Variants in WWTR1 observed in about 807,000 individuals in gnomAD.
WWTR1 encodes the protein WW domain-containing transcription regulator protein 1.
Under a neutral mutation model 40.1 loss-of-function variants are expected in WWTR1, and 13 were observed. That is an observed-to-expected ratio of 0.32 (90% confidence interval 0.21 to 0.52). The LOEUF is 0.52. Among genes scored for constraint, WWTR1 ranks in the 20% least tolerant of loss-of-function variants. The probability of loss-of-function intolerance (pLI) is 0.97; values close to 1 mark genes in which losing one functional copy is unlikely to be tolerated. For missense variants in WWTR1, 436 were observed against 523.1 expected (o/e 0.83, Z 1.63); for synonymous variants, 230 against 210.1 (o/e 1.09, Z -0.82).
At chr3:149,557,314 C>A (rs1371811998) in intron 3 of WWTR1, among the ~76,000 whole-genome samples, 1 of 152,166 alleles carries the variant, frequency 6.6e-6, no homozygotes, top group East Asian at 1.9e-4. Flanking sequence ...TCAGCTGATC[C>A]GCCCGCCTGG....
intron 2 of WWTR1, among the ~76,000 whole-genome samples, chr3:149,621,716 A>G (rs1740281938): frequency 6.6e-6 from 1 of 152,366 alleles, no homozygotes; most frequent in South Asian, 2.1e-4. Context: ...ATTACAGATC[A>G]GTTTTTAAAT....
exon 2 of WWTR1, chr3:149,669,853 A>G (rs942036064): frequency 6.6e-5 from 10 of 152,252 alleles, no homozygotes; most frequent in Admixed American, 2.6e-4. Context: ...AGATGCCAAG[A>G]TAAGAGTCAG....
At chr3:149,592,078 T>C (rs1207544543) in intron 2 of WWTR1, among the ~76,000 whole-genome samples, 1 of 152,194 alleles carries the variant, frequency 6.6e-6, no homozygotes, top group African/African-American at 2.4e-5. Flanking sequence ...TCAATGATGT[T>C]CTATAAAACA....
At chr3:149,719,194 A>C (rs1576651620) in intron 4 of WWTR1, among the ~76,000 whole-genome samples, 1 of 138,416 alleles carries the variant, frequency 7.2e-6, no homozygotes, top group East Asian at 2.2e-4. Context: ...TTTGAGACCG[A>C]GTCTCACTCT....
At chr3:149,638,959 C>A (rs1391043187) in intron 2 of WWTR1, among the ~76,000 whole-genome samples, 1 of 152,192 alleles carries the variant, frequency 6.6e-6, no homozygotes, top group Non-Finnish European at 1.5e-5. Context: ...GAGGCTAGCT[C>A]AAACGAGAGA....
intron 1 of WWTR1, among the ~76,000 whole-genome samples, chr3:149,696,978 A>G (rs150767705): frequency 6.6e-6 from 1 of 152,300 alleles, no homozygotes; most frequent in East Asian, 1.9e-4. Context: ...GCTAACTCCT[A>G]GCTCATTCCT....
chr3:149,598,071 G>C (rs1443145754), intron 2 of WWTR1, among the ~76,000 whole-genome samples: 2 of 152,170 alleles, frequency 1.3e-5, no homozygotes, highest in African/African-American at 4.8e-5. Context: ...AACAGTGAAG[G>C]TCCCTGAATA....
chr3:149,588,585 G>A (rs1359741680), intron 2 of WWTR1, among the ~76,000 whole-genome samples: 1 of 152,132 alleles, frequency 6.6e-6, no homozygotes, highest in Non-Finnish European at 1.5e-5. Context: ...AAAATATATT[G>A]TGGGAGTGAA....
chr3:149,594,950 C>CTTTTTTTTTTTTTTT (rs563658190), intron 2 of WWTR1, among the ~76,000 whole-genome samples: 2 of 61,772 alleles, frequency 3.2e-5, no homozygotes, highest in African/African-American at 5.5e-5. Context: ...CTCTTTTTTA[C>CTTTTTTTTTTTTTTT]TTTTTTTTTT....
intron 1 of WWTR1, among the ~76,000 whole-genome samples, chr3:149,699,198 G>C (rs1354124454): frequency 6.6e-6 from 1 of 151,940 alleles, no homozygotes; most frequent in Non-Finnish European, 1.5e-5. Context: ...CTTTGCTCCT[G>C]CATCTGATTG....
intron 4 of WWTR1, among the ~76,000 whole-genome samples, chr3:149,534,846 G>A (rs1233486037): frequency 1.3e-5 from 2 of 152,192 alleles, no homozygotes; most frequent in African/African-American, 4.8e-5. Flanking sequence ...AGCAGCTGGA[G>A]GACGGGTGAT....
intron 2 of WWTR1, among the ~76,000 whole-genome samples, chr3:149,583,406 G>A (rs1205807188): frequency 6.6e-6 from 1 of 152,098 alleles, no homozygotes; most frequent in African/African-American, 2.4e-5. Context: ...TGAAAGAGAT[G>A]CTGCCCAGGC....
chr3:149,694,920 C>CAGT (rs1187225800), intron 1 of WWTR1, among the ~76,000 whole-genome samples: 2 of 152,168 alleles, frequency 1.3e-5, no homozygotes, highest in Non-Finnish European at 1.5e-5. Flanking sequence ...AAGTGTTCAT[C>CAGT]AGTAGATGAA....
chr3:149,657,247 G>C lies in WWTR1; in HGVS notation c.60C>G (p.Val20=), dbSNP rs749392032. The change falls in exon 2 of 7, where the codon GTC becomes GTG. Residue 20 remains valine, a synonymous_variant. Transcript: ENST00000360632. The part of the protein sequence containing the change: ...LPPPGQQVIH[V]TQDLDTDLEA... ...CGAGGTCTGTGTCTAGGTCCTGCGT[G>C]ACGTGGATCACTTGCTGCCCAGGCG... 1 of 1,613,214 alleles carries C rather than the reference G, an allele frequency of 6.2e-7. No homozygotes were observed. Among genetic ancestry groups the C allele is most frequent in the African/African-American group, 1.3e-5 (1 of 74,932 alleles).
chr3:149,694,120 GCGGT>G (rs1559843291), intron 1 of WWTR1, among the ~76,000 whole-genome samples: 1 of 152,142 alleles, frequency 6.6e-6, no homozygotes. Flanking sequence ...TAGGCTGGGC[GCGGT>G]GGCTCACGCC....
chr3:149,625,215 G>T lies in WWTR1; in HGVS notation c.431+31661C>A, dbSNP rs368186364. On this transcript the variant is annotated intron_variant, in intron 2 of 6. Transcript: ENST00000360632. ...CAGCTCACTGCAAGCTCTGCCTCCC[G>T]GGTTCATGCCATTCTCCTGCCTCAG... Among the ~76,000 whole-genome samples the T allele has an allele frequency of 4.8e-5, 7 of 146,318 alleles. No homozygotes were observed. The East Asian group carries it at 1.5e-3, about 31-fold the overall frequency.
At chr3:149,645,181 G>A (rs935827681) in intron 2 of WWTR1, among the ~76,000 whole-genome samples, 15 of 151,932 alleles carry the variant, frequency 9.9e-5, no homozygotes, top group African/African-American at 2.7e-4. Flanking sequence ...CCAGGTTCGC[G>A]CCATTCTCCT....
intron 3 of WWTR1, among the ~76,000 whole-genome samples, chr3:149,566,194 A>G (rs956782932): frequency 6.6e-6 from 1 of 152,182 alleles, no homozygotes; most frequent in South Asian, 2.1e-4. Flanking sequence ...TTGATTTTCT[A>G]CAGTGTTTAG....
intron 1 of WWTR1, among the ~76,000 whole-genome samples, chr3:149,670,513 G>A (rs926209500): frequency 5.9e-5 from 9 of 151,908 alleles, no homozygotes; most frequent in Admixed American, 3.3e-4. Context: ...ACCTGGTGGC[G>A]GACCCCTGTA....
Sources: gnomAD v4.1 joint callset for allele counts (sites outside exome capture counted in the v4.1 genomes callset) on GRCh38, gnomAD v4.1.1 for gene constraint, MANE v1.5 for transcripts, NCBI Gene and HGNC (gene_info 2026-07-23, HGNC 2026-07-21) for gene names.